PTPRD: variants seen among roughly 807,000 people sequenced by gnomAD.
The protein encoded by PTPRD is receptor-type tyrosine-protein phosphatase delta.
A neutral mutation model predicts 214.5 loss-of-function variants in PTPRD; 34 were observed. That is an observed-to-expected ratio of 0.16 (90% CI 0.12 to 0.21). The LOEUF is 0.21. PTPRD is among the 10% of genes least tolerant of loss of function. The pLI is 1.00. For missense variants in PTPRD, 2,545 were observed against 2,398.7 expected (o/e 1.06, Z -1.27); for synonymous variants, 1,128 against 845.7 (o/e 1.33, Z -5.79).
chr9:9,456,362 C>T (rs1021695590), intron 8 of PTPRD, among the ~76,000 whole-genome samples: 1 of 151,750 alleles, frequency 6.6e-6, no homozygotes, highest in African/African-American at 2.4e-5. Context: ...ATCAGATAAA[C>T]CGTACAGATT....
Position 8,374,694 on chromosome 9 carries a change from T to C in PTPRD, c.4661+1242A>G, listed in dbSNP as rs117823195. ...TATGAACATCAAACAAAATAAAGCA[T>C]AGGGGAGTGCTTTGAAATTAGTAAA... On this transcript the variant is annotated intron_variant, in intron 39 of 45. Transcript: ENST00000381196. Among the ~76,000 whole-genome samples, 220 of 152,094 alleles carry C rather than the reference T, an allele frequency of 1.4e-3. 1 individual carries two copies. The highest frequency in any genetic ancestry group is 2.5e-3 in the South Asian group (12 of 4,818).
At chr9:9,144,008 T>G (rs1005239277) in intron 10 of PTPRD, among the ~76,000 whole-genome samples, 2 of 152,246 alleles carry the variant, frequency 1.3e-5, no homozygotes, top group Non-Finnish European at 2.9e-5. Flanking sequence ...GGCACACTTC[T>G]TCTAAGATCA....
chr9:8,435,135 G>C (rs1199887065), intron 35 of PTPRD, among the ~76,000 whole-genome samples: 2 of 152,234 alleles, frequency 1.3e-5, no homozygotes, highest in Non-Finnish European at 2.9e-5. Flanking sequence ...TCTGGCTCTT[G>C]AGGGTGGAGG....
chr9:9,327,499 A>T (rs565063987), intron 9 of PTPRD, among the ~76,000 whole-genome samples: 2 of 152,268 alleles, frequency 1.3e-5, no homozygotes, highest in East Asian at 3.9e-4. Context: ...AATTTGCAAG[A>T]AGTACATGAA....
intron 3 of PTPRD, among the ~76,000 whole-genome samples, chr9:10,079,073 T>A (rs2098186364): frequency 6.6e-6 from 1 of 152,128 alleles, no homozygotes; most frequent in Admixed American, 6.6e-5. Flanking sequence ...TACACCTGGG[T>A]GTACCTGTAT....
At chr9:9,212,902 T>C (rs2099949710) in intron 9 of PTPRD, among the ~76,000 whole-genome samples, 1 of 152,162 alleles carries the variant, frequency 6.6e-6, no homozygotes. Flanking sequence ...TTGAGGTCAT[T>C]TGAACTCCCG....
At chr9:10,433,150 T>C (rs781278550) in intron 2 of PTPRD, among the ~76,000 whole-genome samples, 9 of 151,978 alleles carry the variant, frequency 5.9e-5, no homozygotes, top group Non-Finnish European at 1.2e-4. Context: ...GCAGCTGTCA[T>C]GCAATAACTC....
At chr9:10,531,138 C>T (rs368683813) in intron 2 of PTPRD, among the ~76,000 whole-genome samples, 15 of 151,880 alleles carry the variant, frequency 9.9e-5, no homozygotes, top group East Asian at 3.9e-4. Flanking sequence ...TTAGTAGAGA[C>T]GGGGTTTCAC....
intron 3 of PTPRD, among the ~76,000 whole-genome samples, chr9:10,244,952 A>G (rs572757158): frequency 2.6e-5 from 4 of 152,256 alleles, no homozygotes; most frequent in African/African-American, 7.2e-5. Context: ...AGTATACTGG[A>G]AAACTCTTCT....
chr9:10,030,057 C>T (rs2097025595), intron 4 of PTPRD, among the ~76,000 whole-genome samples: 1 of 152,126 alleles, frequency 6.6e-6, no homozygotes, highest in Non-Finnish European at 1.5e-5. Context: ...CTCCTGTCTG[C>T]CACCATATAA....
intron 4 of PTPRD, among the ~76,000 whole-genome samples, chr9:9,966,946 G>T (rs186810393): frequency 5.6e-4 from 86 of 152,236 alleles, no homozygotes; most frequent in African/African-American, 1.9e-3. Context: ...TCTTACAAAT[G>T]CTAGTCCCAT....
chr9:9,003,070 C>G (rs181797327), intron 11 of PTPRD, among the ~76,000 whole-genome samples: 1 of 152,172 alleles, frequency 6.6e-6, no homozygotes, highest in Non-Finnish European at 1.5e-5. Context: ...AAACACACCA[C>G]TGGATCATCG....
At chr9:10,331,087 C>G (rs367861871) in intron 3 of PTPRD, among the ~76,000 whole-genome samples, 2 of 151,874 alleles carry the variant, frequency 1.3e-5, no homozygotes, top group Non-Finnish European at 2.9e-5. Flanking sequence ...ACACCAGATG[C>G]AGATGCCTTC....
At chr9:9,610,561 T>A (rs1303720436) in intron 7 of PTPRD, among the ~76,000 whole-genome samples, 1 of 152,168 alleles carries the variant, frequency 6.6e-6, no homozygotes, top group Non-Finnish European at 1.5e-5. Context: ...TATGCTACCT[T>A]GGAATAGATG....
chr9:10,525,108 T>C (rs563284414), intron 2 of PTPRD, among the ~76,000 whole-genome samples: 1 of 152,116 alleles, frequency 6.6e-6, no homozygotes, highest in South Asian at 2.1e-4. Flanking sequence ...TTTTGACAGT[T>C]CTTTTATTCC....
chr9:10,269,467 A>G (rs151036350), intron 3 of PTPRD, among the ~76,000 whole-genome samples: 4 of 152,164 alleles, frequency 2.6e-5, no homozygotes, highest in Non-Finnish European at 4.4e-5. Context: ...CCCTGTTCTG[A>G]GGGTTGCTTT....
intron 9 of PTPRD, among the ~76,000 whole-genome samples, chr9:9,205,269 T>G (rs1004374523): frequency 4.6e-5 from 7 of 152,170 alleles, no homozygotes; most frequent in Non-Finnish European, 7.4e-5. Context: ...CACATTTAAT[T>G]CAGACAACTT....
At chr9:9,346,680 A>T (rs1021172154) in intron 9 of PTPRD, among the ~76,000 whole-genome samples, 3 of 152,020 alleles carry the variant, frequency 2.0e-5, no homozygotes, top group Non-Finnish European at 4.4e-5. Flanking sequence ...TATTAAATAC[A>T]TAAAGTGCCT....
chr9:8,399,984 C>T (rs930910437), intron 36 of PTPRD, among the ~76,000 whole-genome samples: 1 of 151,994 alleles, frequency 6.6e-6, no homozygotes, highest in African/African-American at 2.4e-5. Flanking sequence ...ACATGGTGCT[C>T]GGCATGTAAT....
Sources: gnomAD v4.1 joint callset for allele counts (sites outside exome capture counted in the v4.1 genomes callset) on GRCh38, gnomAD v4.1.1 for gene constraint, MANE v1.5 for transcripts, NCBI Gene and HGNC (gene_info 2026-07-23, HGNC 2026-07-21) for gene names.